The following XRCC4 variants were observed in gnomAD, a reference collection of about 807,000 sequenced individuals.
XRCC4 encodes X-ray repair cross complementing 4, also known as DNA repair protein XRCC4.
Under a neutral mutation model 39.1 loss-of-function variants are expected in XRCC4, and 28 were observed. That is an observed-to-expected ratio of 0.72 (90% CI 0.53 to 0.98). XRCC4 has a LOEUF of 0.98. XRCC4 is among the 50% of genes least tolerant of loss of function. The pLI is 0.00. For missense variants in XRCC4, 350 were observed against 376.4 expected, an observed-to-expected ratio of 0.93 and a Z score of 0.58; for synonymous variants, 123 against 126.4, an observed-to-expected ratio of 0.97 and a Z score of 0.18.
the XRCC4 span, among the ~76,000 whole-genome samples, chr5:83,368,063 C>T: frequency 2.7e-5 from 4 of 145,498 alleles, no homozygotes; most frequent in African/African-American, 1.1e-4. Flanking sequence ...GATCTCTACA[C>T]TGAACCCCAA....
At chr5:83,355,940 G>A (rs1331603709), downstream of XRCC4, among the ~76,000 whole-genome samples, 2 of 152,094 alleles carry the variant, frequency 1.3e-5, no homozygotes, top group Non-Finnish European at 2.9e-5. Flanking sequence ...AGCCTGCCAG[G>A]TTTGACAGTA....
chr5:83,340,544 G>A (rs1172517192), intron 7 of XRCC4, among the ~76,000 whole-genome samples: 1 of 152,074 alleles, frequency 6.6e-6, no homozygotes. Context: ...AGAATGATGT[G>A]CAGTGAGAAG....
At chr5:83,160,849 A>G (rs978375963) in intron 3 of XRCC4, among the ~76,000 whole-genome samples, 3 of 152,064 alleles carry the variant, frequency 2.0e-5, no homozygotes, top group Admixed American at 2.0e-4. Context: ...CACTTAAGGA[A>G]GAGACCAAAT....
At chr5:83,258,817 G>C in intron 7 of XRCC4, 140 bp downstream of exon 7, 4 of 1,035,198 alleles carry the variant, frequency 3.9e-6, no homozygotes, top group Non-Finnish European at 5.4e-6. Context: ...TAAAATGTTT[G>C]AATCAATGTA....
chr5:83,259,938 G>A (rs1344392967), intron 7 of XRCC4, among the ~76,000 whole-genome samples: 2 of 152,144 alleles, frequency 1.3e-5, no homozygotes, highest in Admixed American at 6.6e-5. Flanking sequence ...CAGCCTAGTG[G>A]GAACATGTTT....
intron 3 of XRCC4, among the ~76,000 whole-genome samples, chr5:83,188,678 G>A (rs1750562306): frequency 6.6e-6 from 1 of 152,116 alleles, no homozygotes; most frequent in African/African-American, 2.4e-5. Context: ...GCAAGATAGA[G>A]AGAAGCAGTT....
chr5:83,349,157 A>G (rs761949847), intron 7 of XRCC4, among the ~76,000 whole-genome samples: 2 of 152,124 alleles, frequency 1.3e-5, no homozygotes, highest in African/African-American at 2.4e-5. Flanking sequence ...ATTTTCAGAT[A>G]CCTTTATAGC....
At chr5:83,333,992 A>G (rs971539458) in intron 7 of XRCC4, among the ~76,000 whole-genome samples, 2 of 151,854 alleles carry the variant, frequency 1.3e-5, no homozygotes, top group African/African-American at 4.8e-5. Context: ...CTGGTCTCGA[A>G]CTCCTGACCT....
rs1219034188 is a variant in XRCC4 at position 83,105,075 on chromosome 5, A to G, written c.139+17A>G. On this transcript the variant is annotated intron_variant, in intron 2 of 7. Coordinates refer to ENST00000396027, the MANE Select transcript of XRCC4 (RefSeq NM_003401.5). ...CTGGGACAGGTAATACTAAAAACAA[A>G]GTTTTTATAAGTAAAATTTAAGTGT... The G allele has an allele frequency of 6.3e-7, 1 of 1,591,748 alleles. No homozygotes were observed. Among genetic ancestry groups the G allele is most frequent in the South Asian group, 1.1e-5 (1 of 87,076 alleles).
At chr5:83,103,420 A>G (rs1437141134) in intron 1 of XRCC4, among the ~76,000 whole-genome samples, 1 of 151,850 alleles carries the variant, frequency 6.6e-6, no homozygotes, top group Non-Finnish European at 1.5e-5. Context: ...CATGAAAACC[A>G]TGGAAAATGT....
intron 6 of XRCC4, among the ~76,000 whole-genome samples, chr5:83,216,909 T>G (rs1323546586): frequency 6.6e-6 from 1 of 152,152 alleles, no homozygotes; most frequent in Non-Finnish European, 1.5e-5. Flanking sequence ...CAAGTATAAA[T>G]TGCTAAAATC....
At chr5:83,146,080 A>C (rs977903176) in intron 3 of XRCC4, among the ~76,000 whole-genome samples, 1 of 152,186 alleles carries the variant, frequency 6.6e-6, no homozygotes, top group African/African-American at 2.4e-5. Context: ...CTGTGACCTA[A>C]TTCCTTAGAA....
intron 7 of XRCC4, among the ~76,000 whole-genome samples, chr5:83,293,130 C>T (rs1754978691): frequency 6.6e-6 from 1 of 151,808 alleles, no homozygotes; most frequent in East Asian, 1.9e-4. Flanking sequence ...GTTTTATTCC[C>T]AGGCCACCAC....
At chr5:83,198,949 A>G (rs1481515122) in intron 4 of XRCC4, among the ~76,000 whole-genome samples, 1 of 152,162 alleles carries the variant, frequency 6.6e-6, no homozygotes, top group Non-Finnish European at 1.5e-5. Context: ...ATTACAAATA[A>G]AAACTCTCAA....
chr5:83,178,593 T>C (rs1031516508), intron 3 of XRCC4, among the ~76,000 whole-genome samples: 3 of 152,108 alleles, frequency 2.0e-5, no homozygotes, highest in African/African-American at 7.2e-5. Context: ...CAAAGGGCAC[T>C]GATGGCATTG....
chr5:83,148,824 A>G (rs1748577010), intron 3 of XRCC4, among the ~76,000 whole-genome samples: 1 of 151,958 alleles, frequency 6.6e-6, no homozygotes, highest in East Asian at 1.9e-4. Flanking sequence ...AATAATAATA[A>G]AGTAATACTG....
At chr5:83,311,980 C>A (rs2112096795) in intron 7 of XRCC4, among the ~76,000 whole-genome samples, 1 of 152,232 alleles carries the variant, frequency 6.6e-6, no homozygotes, top group African/African-American at 2.4e-5. Flanking sequence ...CTAATACAGT[C>A]ACCAGGAAGC....
intron 7 of XRCC4, among the ~76,000 whole-genome samples, chr5:83,324,882 A>G (rs758196328): frequency 7.2e-5 from 11 of 152,172 alleles, no homozygotes; most frequent in Admixed American, 1.3e-4. Context: ...AAAGCAAACT[A>G]AAAGTAATTT....
chr5:83,116,132 T>G (rs1466804633), intron 3 of XRCC4, among the ~76,000 whole-genome samples: 1 of 152,224 alleles, frequency 6.6e-6, no homozygotes, highest in African/African-American at 2.4e-5. Context: ...ACAGAATACT[T>G]TTTTAAAGCT....
Sources: allele counts gnomAD v4.1 joint callset (sites outside exome capture counted in the v4.1 genomes callset), GRCh38; gene constraint gnomAD v4.1.1; transcripts MANE v1.5; gene names NCBI Gene and HGNC (gene_info 2026-07-23, HGNC 2026-07-21).